NRG1: variants seen among roughly 807,000 people sequenced by gnomAD.
NRG1 encodes the protein neuregulin 1.
Under a neutral mutation model 63.8 loss-of-function variants are expected in NRG1, and 18 were observed. The observed-to-expected ratio is 0.28, with a 90% confidence interval of 0.19 to 0.42. The LOEUF (loss-of-function observed/expected upper bound fraction) is 0.42, where lower values mean the gene tolerates loss of function less well. Among genes scored for constraint, NRG1 ranks in the 10% least tolerant of loss-of-function variants. The pLI is 1.00. For synonymous variants in NRG1, 302 were observed against 301.3 expected (o/e 1.00, Z -0.02); for missense variants, 762 against 814.7 (o/e 0.94, Z 0.79).
chr8:32,664,577 C>CA (rs1316145234), intron 5 of NRG1, among the ~76,000 whole-genome samples: 13 of 151,694 alleles, frequency 8.6e-5, no homozygotes, highest in African/African-American at 2.7e-4. Flanking sequence ...TCCTCACACA[C>CA]ACAAAAAAAA....
At position 31,640,097 on chromosome 8, in the gene NRG1, TGCTGGGGACCGCGGCCCTGGC is replaced by T; in HGVS notation, c.37+669_37+689del. The T allele has an allele frequency of 2.6e-6, 3 of 1,141,122 alleles. No individual in the cohort carries two copies. Among genetic ancestry groups the T allele is most frequent in the Non-Finnish European group, 3.2e-6 (3 of 931,044 alleles). 70.7% of individuals were successfully genotyped at this position (1,141,122 alleles called of 1,614,324 possible). ...CTGCCGCTGCTGCCACTACTGCTGC[TGCTGGGGACCGCGGCCCTGGC>T]GCCGGGGGCGGCGGCCGGCAACGAG... On this transcript the variant is annotated intron_variant, in intron 1 of 10. Coordinates refer to the NRG1 transcript ENST00000519301. The surrounding 1 kb of genome is among the most constrained non-coding windows in gnomAD (Gnocchi z 6.3).
chr8:32,398,534 C>G (rs150525241), intron 1 of NRG1, among the ~76,000 whole-genome samples: 47 of 152,022 alleles, frequency 3.1e-4, no homozygotes, highest in Non-Finnish European at 6.2e-4. Flanking sequence ...CCTCAGCCTC[C>G]CGAGTAGCTG....
intron 1 of NRG1, among the ~76,000 whole-genome samples, chr8:32,585,999 A>G (rs1294945026): frequency 6.6e-6 from 1 of 152,070 alleles, no homozygotes; most frequent in Non-Finnish European, 1.5e-5. Flanking sequence ...CTGTTTCTTC[A>G]TCTGTAAGTT....
At chr8:32,752,854 T>C (rs1829000068) in intron 7 of NRG1, among the ~76,000 whole-genome samples, 1 of 152,184 alleles carries the variant, frequency 6.6e-6, no homozygotes, top group Non-Finnish European at 1.5e-5. Flanking sequence ...TAATCAGTGC[T>C]ATATTAATTT....
At chr8:32,500,298 A>G (rs189218906) in intron 1 of NRG1, among the ~76,000 whole-genome samples, 26 of 152,300 alleles carry the variant, frequency 1.7e-4, no homozygotes, top group South Asian at 4.1e-4. Context: ...TTTATCTGTA[A>G]TACCTATAGA....
At chr8:31,948,643 C>T (rs907762472) in intron 1 of NRG1, among the ~76,000 whole-genome samples, 1 of 152,182 alleles carries the variant, frequency 6.6e-6, no homozygotes, top group African/African-American at 2.4e-5. Flanking sequence ...AGAGGTTATC[C>T]TCTTTATCCG....
chr8:32,593,194 G>T (rs1375058037), intron 1 of NRG1, among the ~76,000 whole-genome samples: 3 of 152,132 alleles, frequency 2.0e-5, no homozygotes, highest in Non-Finnish European at 4.4e-5. Context: ...AGAGGCAAGG[G>T]AATAAACCTT....
intron 1 of NRG1, among the ~76,000 whole-genome samples, chr8:32,141,592 G>GTATATATATATATATA (rs59251868): frequency 1.4e-5 from 1 of 71,780 alleles, no homozygotes; most frequent in Non-Finnish European, 2.8e-5. Context: ...ATGTGTGTGG[G>GTATATATATATATATA]TATATATATA....
At chr8:32,682,464 G>T (rs1477849404) in intron 5 of NRG1, among the ~76,000 whole-genome samples, 2 of 152,106 alleles carry the variant, frequency 1.3e-5, no homozygotes, top group African/African-American at 2.4e-5. Context: ...CCTTAGTCAT[G>T]AGTAAAATGA....
chr8:32,451,840 T>G (rs1587727725), intron 1 of NRG1, among the ~76,000 whole-genome samples: 1 of 152,190 alleles, frequency 6.6e-6, no homozygotes, highest in East Asian at 1.9e-4. Flanking sequence ...TTCCTTCTTT[T>G]TTTTAGACAA....
intron 1 of NRG1, among the ~76,000 whole-genome samples, chr8:31,843,545 T>G (rs550612013): frequency 6.6e-6 from 1 of 152,336 alleles, no homozygotes; most frequent in African/African-American, 2.4e-5. Flanking sequence ...TGCTTTCTGG[T>G]TCTGGGGCTG....
intron 1 of NRG1, among the ~76,000 whole-genome samples, chr8:31,975,069 G>T (rs188593263): frequency 4.6e-5 from 7 of 152,076 alleles, no homozygotes. Context: ...TTCTTTCAGG[G>T]TTCTGTGTTT....
At chr8:32,576,488 A>C (rs1839658523) in intron 1 of NRG1, among the ~76,000 whole-genome samples, 1 of 152,214 alleles carries the variant, frequency 6.6e-6, no homozygotes, top group Non-Finnish European at 1.5e-5. Flanking sequence ...GAATTTTTTC[A>C]GAAGTGAAAT....
chr8:32,276,002 G>C (rs933717351), intron 1 of NRG1, among the ~76,000 whole-genome samples: 4 of 152,128 alleles, frequency 2.6e-5, no homozygotes, highest in Non-Finnish European at 4.4e-5. Flanking sequence ...AGGGTAGTTA[G>C]CATATCCTTC....
chr8:31,917,273 T>C (rs1369612326), intron 1 of NRG1, among the ~76,000 whole-genome samples: 4 of 146,612 alleles, frequency 2.7e-5, no homozygotes, highest in Admixed American at 7.0e-5. Flanking sequence ...GACATGAAGT[T>C]CTTGCCCATG....
intron 1 of NRG1, among the ~76,000 whole-genome samples, chr8:31,755,155 G>A (rs4087517): frequency 0.97 from 147,104 of 152,150 alleles, 71,294 homozygotes; most frequent in East Asian, 1. Context: ...ACTAGTTTTT[G>A]GCTCATTTCC....
intron 1 of NRG1, among the ~76,000 whole-genome samples, chr8:31,867,756 C>A (rs1829091217): frequency 6.6e-6 from 1 of 152,016 alleles, no homozygotes; most frequent in African/African-American, 2.4e-5. Context: ...TTTTTAATTC[C>A]TGGCTTAAGA....
At chr8:32,253,159 C>G (rs574767058) in intron 1 of NRG1, among the ~76,000 whole-genome samples, 7 of 152,276 alleles carry the variant, frequency 4.6e-5, no homozygotes, top group African/African-American at 1.7e-4. Flanking sequence ...AATTTGACTT[C>G]CTCTTTTCCA....
At chr8:32,347,130 A>G (rs547052511) in intron 1 of NRG1, among the ~76,000 whole-genome samples, 164 of 152,230 alleles carry the variant, frequency 1.1e-3, no homozygotes, top group African/African-American at 3.8e-3. Flanking sequence ...TGCCCGGCCA[A>G]GCATTTATCT....
Sources: gnomAD v4.1 joint callset for allele counts (sites outside exome capture counted in the v4.1 genomes callset) on GRCh38, gnomAD v4.1.1 for gene constraint, Gnocchi (gnomAD v3.1) non-coding constraint, MANE v1.5 for transcripts, NCBI Gene and HGNC (gene_info 2026-07-23, HGNC 2026-07-21) for gene names.